The following ADAMTS12 variants were observed in gnomAD, a reference collection of about 807,000 sequenced individuals.
ADAMTS12 encodes ADAM metallopeptidase with thrombospondin type 1 motif 12, also known as A disintegrin and metalloproteinase with thrombospondin motifs 12.
Under a neutral mutation model 167.8 loss-of-function variants are expected in ADAMTS12, and 118 were observed. That is an observed-to-expected ratio of 0.70 (90% CI 0.61 to 0.82). The LOEUF is 0.82. Ranked by LOEUF, ADAMTS12 falls within the 40% of genes least tolerant of loss-of-function variation. The probability of loss-of-function intolerance (pLI) is 0.00; values close to 1 mark genes in which losing one functional copy is unlikely to be tolerated. For synonymous variants in ADAMTS12, 704 were observed against 716.9 expected (o/e 0.98, Z 0.29); for missense variants, 1,916 against 1,998.8 (o/e 0.96, Z 0.79).
At chr5:33,722,089 T>A (rs1743824199) in intron 3 of ADAMTS12, among the ~76,000 whole-genome samples, 1 of 152,230 alleles carries the variant, frequency 6.6e-6, no homozygotes, top group African/African-American at 2.4e-5. Context: ...GCCACAGTGT[T>A]TCTCTTGGTA....
chr5:33,534,708 T>C, intron 23 of ADAMTS12, 125 bp downstream of exon 23: 3 of 1,302,288 alleles, frequency 2.3e-6, no homozygotes, highest in Non-Finnish European at 3.1e-6. Context: ...GGGTTACTGG[T>C]TGACCTCTTT....
chr5:33,675,663 C>A (rs936021633), intron 5 of ADAMTS12, among the ~76,000 whole-genome samples: 1 of 152,174 alleles, frequency 6.6e-6, no homozygotes, highest in Non-Finnish European at 1.5e-5. Context: ...ACATTTAACA[C>A]AAATTCAGTG....
chr5:33,653,503 T>C (rs1199820677), intron 7 of ADAMTS12, among the ~76,000 whole-genome samples: 1 of 152,194 alleles, frequency 6.6e-6, no homozygotes, highest in Non-Finnish European at 1.5e-5. Flanking sequence ...TGTCTGAAAT[T>C]AGTGCCAGGG....
At chr5:33,626,099 T>A (rs771562916) in intron 13 of ADAMTS12, among the ~76,000 whole-genome samples, 1 of 152,168 alleles carries the variant, frequency 6.6e-6, no homozygotes, top group Non-Finnish European at 1.5e-5. Context: ...CAATAGGTAG[T>A]GTGTTTGTGA....
intron 3 of ADAMTS12, among the ~76,000 whole-genome samples, chr5:33,734,981 G>C (rs1744320650): frequency 6.6e-6 from 1 of 152,226 alleles, no homozygotes; most frequent in Non-Finnish European, 1.5e-5. Flanking sequence ...TAGAATTTCA[G>C]ATGTCTGGTA....
chr5:33,648,162 G>T (rs4568371), intron 9 of ADAMTS12, among the ~76,000 whole-genome samples: 10 of 152,222 alleles, frequency 6.6e-5, no homozygotes, highest in Middle Eastern at 6.8e-3. Flanking sequence ...TCAAAAGGAG[G>T]TGGAACTTTA....
In ADAMTS12 at chr5:33,641,820, T is replaced by C; in HGVS notation, c.1708A>G (p.Asn570Asp). The C allele has an allele frequency of 6.2e-7, 1 of 1,610,544 alleles. No homozygotes were observed. Residue 570 changes from asparagine to aspartate, a missense_variant, in exon 11 of 24, where the codon AAC becomes GAC. Asn to Asp is a conservative substitution (Grantham distance 23). Coordinates refer to ENST00000504830, the MANE Select transcript of ADAMTS12 (RefSeq NM_030955.4). Reference sequence around the variant, plus strand: ...TTTATCTGGACTCACTCGGGGTTGTTGCAGAGCCTCTCTGCGCTCTGGACT... The same window carrying C: ...TTTATCTGGACTCACTCGGGGTTGTCGCAGAGCCTCTCTGCGCTCTGGACT... ...AGVQSAERLC[N>D]NPEPKFGGKY...
intron 1 of ADAMTS12, 78 bp from the exon 2 acceptor site, chr5:33,881,558 T>A: frequency 6.7e-7 from 1 of 1,498,108 alleles, no homozygotes; most frequent in Non-Finnish European, 8.8e-7. Flanking sequence ...GGAACTTGAA[T>A]GCTAGCTTTT....
chr5:33,775,700 T>G (rs1745889515), intron 2 of ADAMTS12, among the ~76,000 whole-genome samples: 1 of 152,170 alleles, frequency 6.6e-6, no homozygotes, highest in South Asian at 2.1e-4. Context: ...GTAGGACAGC[T>G]CCACATGACC....
chr5:33,718,833 C>G (rs1469241271), intron 3 of ADAMTS12, among the ~76,000 whole-genome samples: 1 of 152,112 alleles, frequency 6.6e-6, no homozygotes, highest in Non-Finnish European at 1.5e-5. Context: ...CGACGGGCAC[C>G]TGAAAATATT....
At chr5:33,849,539 TATAC>T (rs1749123239) in intron 2 of ADAMTS12, among the ~76,000 whole-genome samples, 1 of 145,326 alleles carries the variant, frequency 6.9e-6, no homozygotes, top group African/African-American at 2.6e-5. Flanking sequence ...CATAGCAATA[TATAC>T]ATATATGTAC....
chr5:33,662,258 G>A (rs1388791100), intron 5 of ADAMTS12, among the ~76,000 whole-genome samples: 4 of 152,160 alleles, frequency 2.6e-5, no homozygotes, highest in African/African-American at 9.7e-5. Context: ...AGAACCTGAA[G>A]GGGAAAACTC....
intron 18 of ADAMTS12, among the ~76,000 whole-genome samples, chr5:33,581,962 T>G (rs957893511): frequency 6.6e-6 from 1 of 152,000 alleles, no homozygotes; most frequent in African/African-American, 2.4e-5. Flanking sequence ...CACCAGAAGC[T>G]GGGGGAAAGG....
chr5:33,554,880 T>C (rs913804410), intron 20 of ADAMTS12, among the ~76,000 whole-genome samples: 2 of 152,232 alleles, frequency 1.3e-5, no homozygotes, highest in African/African-American at 2.4e-5. Context: ...TGTCACTTTC[T>C]GTTACTTTCC....
intron 2 of ADAMTS12, among the ~76,000 whole-genome samples, chr5:33,817,280 G>A (rs1747696472): frequency 6.6e-6 from 1 of 152,196 alleles, no homozygotes; most frequent in Non-Finnish European, 1.5e-5. Flanking sequence ...AAACTGCCTT[G>A]CACTAGAATT....
Position 33,546,165 on chromosome 5 carries a change from C to G in ADAMTS12, c.4340G>C (p.Gly1447Ala). The G allele has an allele frequency of 5.0e-6, 8 of 1,613,944 alleles. No individual in the cohort carries two copies. The highest frequency in any genetic ancestry group is 6.8e-6 in the Non-Finnish European group (8 of 1,179,938). The change falls in exon 22 of 24, where the codon GGA becomes GCA. Residue 1447 changes from glycine to alanine, a missense_variant. Gly to Ala is a moderately conservative substitution (Grantham distance 60). Coordinates refer to ENST00000504830, the MANE Select transcript of ADAMTS12 (RefSeq NM_030955.4). ...ACAGAGGCCTCCTGGACAGAACACT[C>G]CTCTCTCCTGAACTCCACCTCCACA... is the stretch of plus-strand genomic sequence containing the variant. ...RSCGGGVQERGVFCPGGLCDW... is the reference protein window; with the variant it reads ...RSCGGGVQERAVFCPGGLCDW...
intron 3 of ADAMTS12, among the ~76,000 whole-genome samples, chr5:33,728,523 AGTCATGGGCT>A (rs1360088337): frequency 1.3e-5 from 2 of 152,146 alleles, no homozygotes; most frequent in African/African-American, 4.8e-5. Flanking sequence ...TGTGGCCTCT[AGTCATGGGCT>A]GTCACTGGGA....
chr5:33,728,061 T>G (rs1320634956), intron 3 of ADAMTS12, among the ~76,000 whole-genome samples: 1 of 152,146 alleles, frequency 6.6e-6, no homozygotes, highest in African/African-American at 2.4e-5. Flanking sequence ...AAACAAAAAT[T>G]GGCTCATACC....
At chr5:33,616,987 A>T (rs766173689) in intron 14 of ADAMTS12, among the ~76,000 whole-genome samples, 1 of 152,188 alleles carries the variant, frequency 6.6e-6, no homozygotes, top group Non-Finnish European at 1.5e-5. Context: ...AAGAACATGG[A>T]CTTGGAGGTT....
Sources: allele counts gnomAD v4.1 joint callset (sites outside exome capture counted in the v4.1 genomes callset), GRCh38; gene constraint gnomAD v4.1.1; transcripts MANE v1.5; gene names NCBI Gene and HGNC (gene_info 2026-07-23, HGNC 2026-07-21).